Variants in GRM5 observed in about 807,000 individuals in gnomAD.
GRM5 encodes the protein metabotropic glutamate receptor 5.
Under a neutral mutation model 83.1 loss-of-function variants are expected in GRM5, and 19 were observed. The ratio of observed to expected loss-of-function variants is 0.23; its 90% CI spans 0.16 to 0.34. The LOEUF is 0.34. Ranked by LOEUF, GRM5 falls within the 10% of genes least tolerant of loss-of-function variation. The pLI, the probability that GRM5 is intolerant of heterozygous loss-of-function variation, is 1.00. For synonymous variants in GRM5, 675 were observed against 633.6 expected (o/e 1.07, Z -0.98); for missense variants, 1,160 against 1,588.3 (o/e 0.73, Z 4.58).
intron 4 of GRM5, among the ~76,000 whole-genome samples, chr11:88,629,894 T>C (rs868591445): frequency 1.3e-5 from 2 of 152,230 alleles, no homozygotes; most frequent in African/African-American, 2.4e-5. Flanking sequence ...GTCAGCACAG[T>C]GGCCCACACA....
intron 2 of GRM5, among the ~76,000 whole-genome samples, chr11:89,044,867 A>G (rs1045271090): frequency 1.4e-4 from 21 of 151,062 alleles, no homozygotes; most frequent in African/African-American, 4.9e-4. Context: ...AAAAAAAAGC[A>G]TGACCTTAGA....
intron 3 of GRM5, among the ~76,000 whole-genome samples, chr11:88,705,258 G>C (rs977322748): frequency 1.1e-4 from 17 of 152,120 alleles, no homozygotes; most frequent in African/African-American, 4.1e-4. Context: ...CAGTGCTTGA[G>C]CTGCACTCCC....
At chr11:88,761,898 C>G (rs1400823365) in intron 3 of GRM5, among the ~76,000 whole-genome samples, 1 of 151,824 alleles carries the variant, frequency 6.6e-6, no homozygotes, top group Non-Finnish European at 1.5e-5. Context: ...TAATGCCACA[C>G]TTACAACCAT....
chr11:88,802,561 A>G (rs1012145770), intron 3 of GRM5, among the ~76,000 whole-genome samples: 1 of 152,202 alleles, frequency 6.6e-6, no homozygotes, highest in Admixed American at 6.5e-5. Flanking sequence ...ATCTATGACA[A>G]ACTCACAGCC....
chr11:89,000,573 T>C (rs1940345448), intron 2 of GRM5, among the ~76,000 whole-genome samples: 1 of 152,128 alleles, frequency 6.6e-6, no homozygotes, highest in Admixed American at 6.6e-5. Flanking sequence ...GACTTAAATG[T>C]ACAACTTGAA....
At chr11:88,699,091 A>G (rs138612358) in intron 3 of GRM5, among the ~76,000 whole-genome samples, 569 of 34,732 alleles carry the variant, frequency 0.016, 3 homozygotes, top group African/African-American at 0.042. Context: ...ATTCCGACAA[A>G]ACAAAAAACA....
chr11:88,942,737 A>T (rs7952467), intron 2 of GRM5, among the ~76,000 whole-genome samples: 11,260 of 67,352 alleles, frequency 0.17, 1,366 homozygotes, highest in African/African-American at 0.38. Flanking sequence ...TGTTTAAATT[A>T]AAAAAAAAAT....
intron 3 of GRM5, among the ~76,000 whole-genome samples, chr11:88,695,348 ATTAT>A (rs1485513209): frequency 6.6e-6 from 1 of 152,208 alleles, no homozygotes; most frequent in Non-Finnish European, 1.5e-5. Flanking sequence ...ATGTACTTCC[ATTAT>A]TTATATAGTG....
intron 3 of GRM5, among the ~76,000 whole-genome samples, chr11:88,821,198 C>A (rs4551773): frequency 2.0e-5 from 3 of 152,040 alleles, no homozygotes; most frequent in African/African-American, 7.2e-5. Context: ...TTCTAAGTTT[C>A]TGAGAGCAAA....
intron 9 of GRM5, among the ~76,000 whole-genome samples, chr11:88,524,688 C>T (rs1002743279): frequency 3.3e-5 from 5 of 152,212 alleles, no homozygotes; most frequent in African/African-American, 7.2e-5. Flanking sequence ...GAATGTTCAT[C>T]ACCAAACACA....
chr11:89,022,576 T>A (rs1418768046), intron 2 of GRM5, among the ~76,000 whole-genome samples: 1 of 151,704 alleles, frequency 6.6e-6, no homozygotes, highest in Non-Finnish European at 1.5e-5. Flanking sequence ...TGCTTAAACC[T>A]GGGAGGCGGG....
At chr11:88,793,394 A>C (rs148943958) in intron 3 of GRM5, among the ~76,000 whole-genome samples, 1 of 152,206 alleles carries the variant, frequency 6.6e-6, no homozygotes, top group East Asian at 1.9e-4. Flanking sequence ...TGAACATCTA[A>C]GGACTGCTAG....
intron 1 of GRM5, among the ~76,000 whole-genome samples, chr11:89,050,149 A>G (rs1335755981): frequency 6.6e-6 from 1 of 152,210 alleles, no homozygotes; most frequent in Non-Finnish European, 1.5e-5. Flanking sequence ...GATACAGTAT[A>G]CATGTTAAAA....
intron 2 of GRM5, among the ~76,000 whole-genome samples, chr11:88,952,852 T>C (rs1298181827): frequency 6.6e-6 from 1 of 152,160 alleles, no homozygotes; most frequent in African/African-American, 2.4e-5. Flanking sequence ...TCTATTTCCA[T>C]CCATTATCCC....
chr11:88,801,991 T>C (rs2135487262), intron 3 of GRM5, among the ~76,000 whole-genome samples: 1 of 152,164 alleles, frequency 6.6e-6, no homozygotes, highest in Admixed American at 6.6e-5. Flanking sequence ...AAACCCCTTC[T>C]CTGCACCAAG....
At chr11:88,709,496 G>A (rs533603963) in intron 3 of GRM5, among the ~76,000 whole-genome samples, 1 of 152,054 alleles carries the variant, frequency 6.6e-6, no homozygotes. Flanking sequence ...CTACACTGAG[G>A]AGCAAAATGA....
intron 9 of GRM5, 54 bp from the exon 10 acceptor site, chr11:88,509,558 G>A: frequency 7.3e-7 from 1 of 1,369,862 alleles, no homozygotes; most frequent in Non-Finnish European, 1.0e-6. Context: ...AGGGGGCTTG[G>A]ATGCCGCTTC....
At chr11:88,835,008 A>G (rs924807673) in intron 3 of GRM5, among the ~76,000 whole-genome samples, 1 of 152,136 alleles carries the variant, frequency 6.6e-6, no homozygotes, top group African/African-American at 2.4e-5. Flanking sequence ...CAGCCACTCT[A>G]AAATATCTAC....
chr11:88,864,366 G>T (rs187779879), intron 2 of GRM5, among the ~76,000 whole-genome samples: 1 of 151,840 alleles, frequency 6.6e-6, no homozygotes, highest in Non-Finnish European at 1.5e-5. Flanking sequence ...ATACAATAGA[G>T]TATTACAATG....
Sources: allele counts gnomAD v4.1 joint callset (sites outside exome capture counted in the v4.1 genomes callset), GRCh38; gene constraint gnomAD v4.1.1; transcripts MANE v1.5; gene names NCBI Gene and HGNC (gene_info 2026-07-23, HGNC 2026-07-21).